DUSP28: variants seen among roughly 807,000 people sequenced by gnomAD.
DUSP28 encodes the protein dual specificity phosphatase 28.
In DUSP28, 11 loss-of-function variants were observed where a neutral mutation model predicts 8.4. The observed-to-expected ratio is 1.31, with a 90% CI of 0.83 to 2.17. DUSP28 has a LOEUF of 2.17. Among genes scored for constraint, DUSP28 ranks in the 30% most tolerant of loss-of-function variants. DUSP28 has a pLI of 0.00. For missense variants in DUSP28, 373 were observed against 270.4 expected, an observed-to-expected ratio of 1.38 and a Z score of -2.66; for synonymous variants, 178 against 130.9, an observed-to-expected ratio of 1.36 and a Z score of -2.46.
rs974754904 is a variant in DUSP28, at chr2:240,561,087, C to A, written c.393+10C>A. The A allele has an allele frequency of 2.0e-6, 3 of 1,473,884 alleles. No individual in the cohort carries two copies. Among genetic ancestry groups the A allele is most frequent in the Non-Finnish European group, 8.9e-7 (1 of 1,121,806 alleles). The allele number at this position is 1,473,884 out of a possible 1,614,324, so 91.3% of individuals were successfully genotyped here. A position where few individuals can be genotyped will look rare whatever the true frequency, so the allele number is the denominator to read the frequency against. The stretch of plus-strand genomic sequence containing the variant: ...GGCGAAGGCCTTCCAGGTGGGCGGG[C>A]CTTTAGGGGGGCGGTGTTTCGAGAG... On this transcript the variant is annotated intron_variant, in intron 1 of 1. Coordinates refer to ENST00000405954, the MANE Select transcript of DUSP28 (RefSeq NM_001370465.2).
In DUSP28 at chr2:240,561,045, C is replaced by T; in HGVS notation, c.361C>T (p.His121Tyr). ...AAVCTAYLMRHRGLSLAKAFQ... is the reference protein window; with the variant it reads ...AAVCTAYLMRYRGLSLAKAFQ... The stretch of plus-strand genomic sequence containing the variant: ...CGTCTGCACCGCGTACCTCATGCGG[C>T]ACCGCGGCCTCAGCCTGGCGAAGGC... Residue 121 changes from histidine (H) to tyrosine (Y), a missense_variant, in exon 1 of 2, where the codon CAC becomes TAC. Transcript: ENST00000405954. 5 of 1,515,728 alleles carry T rather than the reference C, an allele frequency of 3.3e-6. No individual in the cohort carries two copies. The highest frequency in any genetic ancestry group is 4.4e-6 in the Non-Finnish European group (5 of 1,141,266). The allele number at this position is 1,515,728 out of a possible 1,614,324, so 93.9% of individuals were successfully genotyped here.
intron 1 of DUSP28, 40 bp from the exon 2 acceptor site, chr2:240,561,290 A>G (rs1284375945): frequency 6.2e-7 from 1 of 1,612,894 alleles, no homozygotes; most frequent in Non-Finnish European, 8.5e-7. Context: ...GCTGGCCATT[A>G]GCGCGACTTG....
In DUSP28 at chr2:240,560,748, GT is replaced by G. The variant is rs772048349; in HGVS notation, c.65del (p.Val22AlafsTer79). 9.3e-6 allele frequency: 14 copies of G among 1,508,026 alleles called. No homozygotes were observed. The South Asian group carries it at 1.5e-4, about 16-fold the overall frequency. The allele number at this position is 1,508,026 out of a possible 1,614,324, so 93.4% of individuals were successfully genotyped here. The part of the protein sequence containing the change: ...ASPVPPPLVR[V>X]APSLFLGSAR... The stretch of plus-strand genomic sequence containing the variant: ...GCCCGTACCTCCACCGTTGGTGCGC[GT>G]CGCGCCCTCACTCTTCCTCGGGAGC... On this transcript the variant is annotated frameshift_variant, in exon 1 of 2. Coordinates refer to ENST00000405954, the MANE Select transcript of DUSP28 (RefSeq NM_001370465.2). LOFTEE classifies it high-confidence loss of function.
chr2:240,563,537 A>C lies in DUSP28; in HGVS notation c.*2070A>C, dbSNP rs765744455. 23 of 152,452 alleles carry C rather than the reference A, an allele frequency of 1.5e-4. No homozygotes were observed. The highest frequency in any genetic ancestry group is 2.1e-4 in the Non-Finnish European group (14 of 68,058). The allele number at this position is 152,452 out of a possible 1,614,324, so 9.4% of individuals were successfully genotyped here. ...GCATTTCTAAGCTGTGTATCTCTTA[A>C]CAAGACCCAGTCAGGCCCTATTGGA... On this transcript the variant is annotated 3_prime_UTR_variant, in exon 2 of 2. Coordinates refer to ENST00000405954, the MANE Select transcript of DUSP28 (RefSeq NM_001370465.2).
chr2:240,560,863 C>CGCCCGGCGTGGCAGAGCTGCGCGT lies in DUSP28; in HGVS notation c.185_208dup (p.Gly62_Pro69dup), dbSNP rs1209002634. 14 of 1,357,990 alleles carry CGCCCGGCGTGGCAGAGCTGCGCGT rather than the reference C, an allele frequency of 1.0e-5. No homozygotes were observed. The highest frequency in any genetic ancestry group is 3.5e-5 in the Admixed American group (1 of 28,464). 84.1% of individuals were successfully genotyped at this position (1,357,990 alleles called of 1,614,324 possible). A position where few individuals can be genotyped will look rare whatever the true frequency, so the allele number is the denominator to read the frequency against. On this transcript the variant is annotated inframe_insertion, in exon 1 of 2. Coordinates refer to ENST00000405954, the MANE Select transcript of DUSP28 (RefSeq NM_001370465.2). ...TCCCGCCAGCAGCCCGGCCCGCGCGCGCCCGGCGTGGCAGAGCTGCGCGTG... is the reference window on the plus strand; with the variant it reads ...TCCCGCCAGCAGCCCGGCCCGCGCGCGCCCGGCGTGGCAGAGCTGCGCGTGCCCGGCGTGGCAGAGCTGCGCGTG...
In DUSP28 at chr2:240,561,016, C is replaced by G. The variant is rs982096102; in HGVS notation, c.332C>G (p.Ala111Gly). ...TGCAAGAACGGCCGCAGCCGCTCGG[C>G]CGCCGTCTGCACCGCGTACCTCATG... ...VYCKNGRSRS[A>G]AVCTAYLMRH... Residue 111 changes from alanine (A) to glycine (G), a missense_variant, in exon 1 of 2, where the codon GCC (alanine) becomes GGC (glycine). Transcript: ENST00000405954. The G allele has an allele frequency of 6.5e-7, 1 of 1,533,740 alleles. No individual in the cohort carries two copies. The highest frequency in any genetic ancestry group is 1.4e-5 in the African/African-American group (1 of 71,454).
chr2:240,561,424 T>G lies in DUSP28; in HGVS notation c.488T>G (p.Leu163Arg). 1 of 1,613,738 alleles carries G rather than the reference T, an allele frequency of 6.2e-7. No homozygotes were observed. Among genetic ancestry groups the G allele is most frequent in the East Asian group, 2.2e-5 (1 of 44,860 alleles). The stretch of plus-strand genomic sequence containing the variant: ...GAGGCCCTCCAGGCCCAGTCCTGCC[T>G]GCAGGGAGAGCCCCCAGCCTTAGGG... ...YEEALQAQSC[L>R]QGEPPALGLG... The change falls in exon 2 of 2, where the codon CTG becomes CGG. Residue 163 changes from leucine to arginine, a missense_variant. Leu to Arg is a moderately radical substitution (Grantham distance 102). Coordinates refer to ENST00000405954, the MANE Select transcript of DUSP28 (RefSeq NM_001370465.2).
In DUSP28 at chr2:240,560,917, T is replaced by A; in HGVS notation, c.233T>A (p.Leu78Gln). ...VPVFDDPAEDLLAHLEPTCAA... is the reference protein window; with the variant it reads ...VPVFDDPAEDQLAHLEPTCAA... Reference sequence around the variant, plus strand: ...GTGTTCGACGACCCGGCTGAGGACCTGCTGGCGCACCTGGAGCCCACGTGC... The same window carrying A: ...GTGTTCGACGACCCGGCTGAGGACCAGCTGGCGCACCTGGAGCCCACGTGC... Residue 78 changes from leucine (L) to glutamine (Q), a missense_variant, in exon 1 of 2, where the codon CTG (leucine) becomes CAG (glutamine). Coordinates refer to ENST00000405954, the MANE Select transcript of DUSP28 (RefSeq NM_001370465.2). 1 of 1,536,110 alleles carries A rather than the reference T, an allele frequency of 6.5e-7. No individual in the cohort carries two copies. Among genetic ancestry groups the A allele is most frequent in the Non-Finnish European group, 8.7e-7 (1 of 1,154,846 alleles).
At position 240,560,806 on chromosome 2, in the gene DUSP28, C is replaced by CGCGCGCGGGAG; in HGVS notation, c.123_133dup (p.Val45GlyfsTer60). 1.4e-6 allele frequency: 2 copies of CGCGCGCGGGAG among 1,441,924 alleles called. No individual in the cohort carries two copies. Among genetic ancestry groups the CGCGCGCGGGAG allele is most frequent in the Non-Finnish European group, 1.8e-6 (2 of 1,105,492 alleles). 89.3% of individuals were successfully genotyped at this position (1,441,924 alleles called of 1,614,324 possible). A position where few individuals can be genotyped will look rare whatever the true frequency, so the allele number is the denominator to read the frequency against. On this transcript the variant is annotated frameshift_variant, in exon 1 of 2. Coordinates refer to ENST00000405954, the MANE Select transcript of DUSP28 (RefSeq NM_001370465.2). LOFTEE classifies it high-confidence loss of function. ...GCCGCGGGCGCGGAGGAGCAGCTGG[C>CGCGCGCGGGAG]GCGCGCGGGAGTCACGCTGTGCGTC...
chr2:240,561,263 G>T lies in DUSP28; in HGVS notation c.394-67G>T, dbSNP rs192055093. On this transcript the variant is annotated intron_variant, in intron 1 of 1. Coordinates refer to ENST00000405954, the MANE Select transcript of DUSP28 (RefSeq NM_001370465.2). ...TGGGCGGGGCCCACTCTTACAGCTG[G>T]GCCCGCCTTGGCCCCTGCTGGCCAT... 6.6e-3 allele frequency: 10,549 copies of T among 1,609,362 alleles called. 53 individuals carry two copies. Among genetic ancestry groups the T allele is most frequent in the Non-Finnish European group, 7.9e-3 (9,365 of 1,179,388 alleles).
At chr2:240,561,308 TC>T in intron 1 of DUSP28, 21 bp from the exon 2 acceptor site, 1 of 1,613,614 alleles carries the variant, frequency 6.2e-7, no homozygotes, top group Non-Finnish European at 8.5e-7. Context: ...TTGGGGTTAT[TC>T]AGTACACTTC....
In DUSP28 at chr2:240,561,733, G is replaced by A; in HGVS notation, c.*266G>A. The A allele has an allele frequency of 2.3e-6, 1 of 435,796 alleles. No homozygotes were observed. Among genetic ancestry groups the A allele is most frequent in the Non-Finnish European group, 4.0e-6 (1 of 249,498 alleles). The allele number at this position is 435,796 out of a possible 1,614,324, so 27.0% of individuals were successfully genotyped here. A position where few individuals can be genotyped will look rare whatever the true frequency, so the allele number is the denominator to read the frequency against. The stretch of plus-strand genomic sequence containing the variant: ...TTATTTACACTCCAGAATCTTGAGT[G>A]TTTGGGGGTGCCGGCGCATTCTACC... On this transcript the variant is annotated 3_prime_UTR_variant, in exon 2 of 2. Transcript: ENST00000405954.
intron 1 of DUSP28, 93 bp downstream of exon 1, chr2:240,561,170 G>A (rs950957973): frequency 1.0e-5 from 15 of 1,489,750 alleles, no homozygotes; most frequent in Non-Finnish European, 1.3e-5. Flanking sequence ...ATTGGGACAG[G>A]CACTTCCGGG....
Position 240,561,402 on chromosome 2 carries a change from G to T in DUSP28, c.466G>T (p.Ala156Ser). The change falls in exon 2 of 2, where the codon GCC (alanine) becomes TCC (serine). Residue 156 changes from alanine (A) to serine (S), a missense_variant. Coordinates refer to ENST00000405954, the MANE Select transcript of DUSP28 (RefSeq NM_001370465.2). Reference sequence around the variant, plus strand: ...GTCTCAGCTCCAGAAGTATGAGGAGGCCCTCCAGGCCCAGTCCTGCCTGCA... The same window carrying T: ...GTCTCAGCTCCAGAAGTATGAGGAGTCCCTCCAGGCCCAGTCCTGCCTGCA... Reference protein sequence around the residue: ...FWSQLQKYEEALQAQSCLQGE... With the variant: ...FWSQLQKYEESLQAQSCLQGE... The T allele has an allele frequency of 6.2e-7, 1 of 1,613,732 alleles. No individual in the cohort carries two copies. Among genetic ancestry groups the T allele is most frequent in the African/African-American group, 1.3e-5 (1 of 75,054 alleles).
In DUSP28 at chr2:240,560,852, C is replaced by G. The variant is rs1406288128; in HGVS notation, c.168C>G (p.Pro56=). The change falls in exon 1 of 2, where the codon CCC becomes CCG. Residue 56 remains proline (P), a synonymous_variant. Transcript: ENST00000405954. ...GCGTCAACGTCTCCCGCCAGCAGCC[C>G]GGCCCGCGCGCGCCCGGCGTGGCAG... ...TLCVNVSRQQ[P]GPRAPGVAEL... is the part of the protein sequence containing the mutation. 1.6e-5 allele frequency: 22 copies of G among 1,391,274 alleles called. No individual in the cohort carries two copies. Among genetic ancestry groups the G allele is most frequent in the Non-Finnish European group, 2.0e-5 (22 of 1,083,002 alleles). The allele number at this position is 1,391,274 out of a possible 1,614,324, so 86.2% of individuals were successfully genotyped here.
Position 240,564,242 on chromosome 2 carries a change from G to A in DUSP28, c.*2775G>A, listed in dbSNP as rs2092995473. On this transcript the variant is annotated 3_prime_UTR_variant, in exon 2 of 2. Transcript: ENST00000405954. ...ATCCTTCCTACTGCTTTCTTCACAA[G>A]AGAATCCTCCACCTCAGTGGCCCTG... Among the ~76,000 whole-genome samples the A allele has an allele frequency of 6.6e-6, 1 of 152,222 alleles. No individual in the cohort carries two copies. The highest frequency in any genetic ancestry group is 2.4e-5 in the African/African-American group (1 of 41,456).
chr2:240,561,316 C>T lies in DUSP28; in HGVS notation c.394-14C>T, dbSNP rs369757051. The T allele has an allele frequency of 6.8e-6, 11 of 1,613,678 alleles. No homozygotes were observed. Among genetic ancestry groups the T allele is most frequent in the African/African-American group, 2.7e-5 (2 of 74,938 alleles). ...GCGCGACTTGGGGTTATTCAGTACA[C>T]TTCTTGTTTGCAGATGGTGAAGAGC... On this transcript the variant is annotated splice_polypyrimidine_tract_variant and intron_variant, in intron 1 of 1. Coordinates refer to ENST00000405954, the MANE Select transcript of DUSP28 (RefSeq NM_001370465.2).
Position 240,560,741 on chromosome 2 carries a change from G to A in DUSP28, c.57G>A (p.Leu19=), listed in dbSNP as rs749486386. 7.3e-6 allele frequency: 11 copies of A among 1,514,284 alleles called. No homozygotes were observed. Among genetic ancestry groups the A allele is most frequent in the Non-Finnish European group, 9.6e-6 (11 of 1,143,366 alleles). The allele number at this position is 1,514,284 out of a possible 1,614,324, so 93.8% of individuals were successfully genotyped here. A position where few individuals can be genotyped will look rare whatever the true frequency, so the allele number is the denominator to read the frequency against. Residue 19 remains leucine, a synonymous_variant, in exon 1 of 2, where the codon TTG becomes TTA. Coordinates refer to ENST00000405954, the MANE Select transcript of DUSP28 (RefSeq NM_001370465.2). ...RGAASPVPPP[L]VRVAPSLFLG... Reference sequence around the variant, plus strand: ...CCGCCTCGCCCGTACCTCCACCGTTGGTGCGCGTCGCGCCCTCACTCTTCC... The same window carrying A: ...CCGCCTCGCCCGTACCTCCACCGTTAGTGCGCGTCGCGCCCTCACTCTTCC...
At position 240,561,574 on chromosome 2, in the gene DUSP28, G is replaced by A. The variant is rs774235235; in HGVS notation, c.*107G>A. The A allele has an allele frequency of 1.5e-4, 209 of 1,392,450 alleles. No individual in the cohort carries two copies. The highest frequency in any genetic ancestry group is 1.9e-4 in the Non-Finnish European group (203 of 1,054,880). 86.3% of individuals were successfully genotyped at this position (1,392,450 alleles called of 1,614,324 possible). On this transcript the variant is annotated 3_prime_UTR_variant, in exon 2 of 2. Transcript: ENST00000405954. The stretch of plus-strand genomic sequence containing the variant: ...ATATCGAGTTTTCCTTTGTGTGTGT[G>A]TGTGTGAAACATAGTGCTTTTAATT...
Sources: gnomAD v4.1 joint callset for allele counts (sites outside exome capture counted in the v4.1 genomes callset) on GRCh38, gnomAD v4.1.1 for gene constraint, MANE v1.5 for transcripts, NCBI Gene and HGNC (gene_info 2026-07-23, HGNC 2026-07-21) for gene names.